Variants in ZFYVE9 observed in about 807,000 individuals in gnomAD.
ZFYVE9 encodes the protein zinc finger FYVE-type containing 9.
ZFYVE9 carries 43 observed loss-of-function variants against 126.7 expected under a neutral mutation model. The observed-to-expected ratio is 0.34, with a 90% CI of 0.27 to 0.44. The LOEUF is 0.44. ZFYVE9 is among the 20% of genes least tolerant of loss of function. The pLI is 1.00. For synonymous variants in ZFYVE9, 521 were observed against 597.4 expected, an observed-to-expected ratio of 0.87 and a Z score of 1.87; for missense variants, 1,476 against 1,697.0, an observed-to-expected ratio of 0.87 and a Z score of 2.29.
chr1:52,240,996 C>T lies in ZFYVE9; in HGVS notation c.2178+1401C>T, dbSNP rs115182651. The stretch of plus-strand genomic sequence containing the variant: ...TGAGTAAGTCTAGACGTCTAATGTA[C>T]TACATGAGGACTATGCATAATAAAA... On this transcript the variant is annotated intron_variant, in intron 4 of 18. Coordinates refer to ENST00000287727, the MANE Select transcript of ZFYVE9 (RefSeq NM_004799.4). Among the ~76,000 whole-genome samples, 719 of 152,230 alleles carry T rather than the reference C, an allele frequency of 4.7e-3. 7 individuals carry two copies. Among genetic ancestry groups the T allele is most frequent in the African/African-American group, 0.016 (645 of 41,532 alleles).
At chr1:52,300,580 G>A (rs1646024018) in intron 12 of ZFYVE9, among the ~76,000 whole-genome samples, 1 of 150,804 alleles carries the variant, frequency 6.6e-6, no homozygotes, top group South Asian at 2.1e-4. Flanking sequence ...GACAGAGTAA[G>A]ACTCAGTTTC....
At position 52,334,565 on chromosome 1, in the gene ZFYVE9, T is replaced by G. The variant is rs149918337; in HGVS notation, c.3590-123T>G. On this transcript the variant is annotated intron_variant, in intron 14 of 18. Transcript: ENST00000287727. ...ACATGTTTATTGTGGAATATAGATT[T>G]GATTTTTTAAAATTTTCTGTGTGAT... 79 of 945,982 alleles carry G rather than the reference T, an allele frequency of 8.4e-5. No homozygotes were observed. In the African/African-American group the frequency reaches 9.7e-4, roughly 12 times the overall value. 58.6% of individuals were successfully genotyped at this position (945,982 alleles called of 1,614,324 possible). A position where few individuals can be genotyped will look rare whatever the true frequency, so the allele number is the denominator to read the frequency against.
intron 13 of ZFYVE9, among the ~76,000 whole-genome samples, chr1:52,313,489 T>C (rs1156631959): frequency 4.6e-5 from 7 of 152,162 alleles, no homozygotes; most frequent in Non-Finnish European, 1.0e-4. Context: ...GTTTTAAAAA[T>C]TCAGGAGATC....
chr1:52,252,798 G>A, intron 4 of ZFYVE9: 1 of 383,810 alleles, frequency 2.6e-6, no homozygotes. Flanking sequence ...ACTGCACCAG[G>A]AGCATGGCTC....
intron 1 of ZFYVE9, among the ~76,000 whole-genome samples, chr1:52,200,026 G>GTTTT (rs35432772): frequency 6.9e-6 from 1 of 145,598 alleles, no homozygotes. Flanking sequence ...TTTTGATCCA[G>GTTTT]TTTTTTTTTT....
At chr1:52,334,339 G>A (rs1049567292) in intron 14 of ZFYVE9, among the ~76,000 whole-genome samples, 1 of 152,168 alleles carries the variant, frequency 6.6e-6, no homozygotes, top group African/African-American at 2.4e-5. Context: ...GGACATGGCT[G>A]TGTTTCAATA....
intron 4 of ZFYVE9, among the ~76,000 whole-genome samples, chr1:52,262,766 A>G (rs1276788522): frequency 6.6e-6 from 1 of 152,134 alleles, no homozygotes. Flanking sequence ...TAAATGACTG[A>G]TGAGTTCTCA....
At chr1:52,299,900 A>C (rs531786902) in intron 12 of ZFYVE9, among the ~76,000 whole-genome samples, 100 of 152,350 alleles carry the variant, frequency 6.6e-4, no homozygotes, top group Admixed American at 1.2e-3. Context: ...GGAGCAGTGT[A>C]GTCCTGTGAA....
chr1:52,302,080 C>T (rs1173890185), intron 12 of ZFYVE9, among the ~76,000 whole-genome samples: 1 of 152,132 alleles, frequency 6.6e-6, no homozygotes, highest in East Asian at 1.9e-4. Flanking sequence ...AATATAATAA[C>T]TATTGTAATG....
chr1:52,270,793 CTGTT>C (rs1335247327), intron 7 of ZFYVE9, among the ~76,000 whole-genome samples: 9 of 147,540 alleles, frequency 6.1e-5, no homozygotes, highest in African/African-American at 1.5e-4. Flanking sequence ...TTGTATTTGT[CTGTT>C]TTTTTTTTTT....
intron 4 of ZFYVE9, among the ~76,000 whole-genome samples, chr1:52,240,000 T>A (rs1645317773): frequency 6.6e-6 from 1 of 152,208 alleles, no homozygotes; most frequent in South Asian, 2.1e-4. Flanking sequence ...AAATAAAAAT[T>A]ACATTTAATT....
intron 16 of ZFYVE9, 114 bp from the exon 17 acceptor site, chr1:52,340,012 T>C (rs1450222327): frequency 8.9e-6 from 7 of 786,210 alleles, no homozygotes; most frequent in Admixed American, 2.2e-5. Flanking sequence ...ACAGGTGTGT[T>C]CAGCAGGGTA....
intron 13 of ZFYVE9, among the ~76,000 whole-genome samples, chr1:52,323,895 C>CAAAA (rs35308713): frequency 4.0e-5 from 5 of 126,070 alleles, no homozygotes; most frequent in African/African-American, 6.2e-5. Flanking sequence ...CTACTAAATA[C>CAAAA]AAAAAAAAAA....
At chr1:52,321,001 T>A (rs1282702286) in intron 13 of ZFYVE9, among the ~76,000 whole-genome samples, 2 of 152,200 alleles carry the variant, frequency 1.3e-5, no homozygotes, top group Non-Finnish European at 2.9e-5. Context: ...CAAGGTTTTG[T>A]TAACTCTTTA....
At chr1:52,280,941 C>G (rs577354903) in intron 9 of ZFYVE9, among the ~76,000 whole-genome samples, 1 of 152,020 alleles carries the variant, frequency 6.6e-6, no homozygotes, top group South Asian at 2.1e-4. Context: ...TTACTTCCTT[C>G]GATGATGTGA....
chr1:52,298,772 A>G (rs541789146), intron 12 of ZFYVE9, among the ~76,000 whole-genome samples: 4 of 148,024 alleles, frequency 2.7e-5, no homozygotes, highest in East Asian at 2.0e-4. Flanking sequence ...AATTCTTCCA[A>G]TCCATGAACA....
Position 52,238,117 on chromosome 1 carries a change from T to G in ZFYVE9, c.700T>G (p.Ser234Ala). Residue 234 changes from serine (S) to alanine (A), a missense_variant, in exon 4 of 19, where the codon TCT (serine) becomes GCT (alanine). Transcript: ENST00000287727. ...RSVNHLCPTS[S>A]DSLASVCSPS... The stretch of plus-strand genomic sequence containing the variant: ...TGTTAACCATCTGTGTCCTACTTCA[T>G]CTGATAGTCTAGCCAGTGTCTGTTC... 6.2e-7 allele frequency: 1 copy of G among 1,614,128 alleles called. No individual in the cohort carries two copies. The highest frequency in any genetic ancestry group is 8.5e-7 in the Non-Finnish European group (1 of 1,179,972).
At chr1:52,246,698 ATT>A (rs759969701) in intron 4 of ZFYVE9, among the ~76,000 whole-genome samples, 1,837 of 99,202 alleles carry the variant, frequency 0.019, 37 homozygotes, top group East Asian at 0.11. Context: ...CGTGTAACTA[ATT>A]TTTTTTTTTT....
intron 4 of ZFYVE9, among the ~76,000 whole-genome samples, chr1:52,263,560 G>A (rs1197783673): frequency 1.3e-5 from 2 of 152,060 alleles, no homozygotes; most frequent in African/African-American, 2.4e-5. Flanking sequence ...TTTATTTTCA[G>A]CCAATGTTTC....
Sources: gnomAD v4.1 joint callset for allele counts (sites outside exome capture counted in the v4.1 genomes callset) on GRCh38, gnomAD v4.1.1 for gene constraint, MANE v1.5 for transcripts, NCBI Gene and HGNC (gene_info 2026-07-23, HGNC 2026-07-21) for gene names.